Variants in TPO observed in about 807,000 individuals in gnomAD.
The protein encoded by TPO is thyroid microsomal antigen.
Under a neutral mutation model 96.9 loss-of-function variants are expected in TPO, and 78 were observed. That is an observed-to-expected ratio of 0.81 (90% CI 0.67 to 0.97). The LOEUF (loss-of-function observed/expected upper bound fraction) is 0.97. Ranked by LOEUF, TPO falls within the 50% of genes least tolerant of loss-of-function variation. The pLI is 0.00. For synonymous variants in TPO, 547 were observed against 538.0 expected, an observed-to-expected ratio of 1.02 and a Z score of -0.23; for missense variants, 1,252 against 1,274.8, an observed-to-expected ratio of 0.98 and a Z score of 0.27.
chr2:1,487,748 A>T (rs1168846036), intron 9 of TPO, 73 bp from the exon 10 acceptor site: 1 of 1,595,356 alleles, frequency 6.3e-7, no homozygotes, highest in East Asian at 2.2e-5. Flanking sequence ...CAAAAAAAAA[A>T]AAAATTGAGA....
intron 1 of TPO, among the ~76,000 whole-genome samples, chr2:1,378,137 C>T (rs1661751317): frequency 6.6e-6 from 1 of 152,226 alleles, no homozygotes; most frequent in Non-Finnish European, 1.5e-5. Flanking sequence ...TCTCCCCTGC[C>T]ATGTGGAACT....
chr2:1,411,799 A>G (rs1186947367), upstream of TPO, among the ~76,000 whole-genome samples: 1 of 151,560 alleles, frequency 6.6e-6, no homozygotes, highest in Non-Finnish European at 1.5e-5. Flanking sequence ...AGACTTTCCC[A>G]CCTTTGTCTT....
At chr2:1,540,894 G>C in intron 16 of TPO, 171 bp downstream of exon 16, 2 of 1,546,380 alleles carry the variant, frequency 1.3e-6, no homozygotes, top group South Asian at 2.4e-5. Flanking sequence ...ATGACAGTGA[G>C]CCAGAATGTG....
At chr2:1,490,716 G>A (rs1573406491) in intron 10 of TPO, among the ~76,000 whole-genome samples, 2 of 152,206 alleles carry the variant, frequency 1.3e-5, no homozygotes, top group African/African-American at 2.4e-5. Context: ...CACAAACCTG[G>A]CAGAGGCTTC....
Position 1,540,688 on chromosome 2 carries a change from T to C in TPO, c.2713T>C (p.Ser905Pro), listed in dbSNP as rs1227591917. ...CGGAAAGCACCAGGCCGTAGGGACC[T>C]CACCGCAGCGGGCCGCAGCTCAGGA... Reference protein sequence around the residue: ...RCGKHQAVGTSPQRAAAQDSE... With the variant: ...RCGKHQAVGTPPQRAAAQDSE... The change falls in exon 16 of 17, where the codon TCA becomes CCA. Residue 905 changes from serine (S) to proline (P), a missense_variant. By Grantham distance (74) the Ser-to-Pro change is moderately conservative. Transcript: ENST00000329066. 1 of 1,613,038 alleles carries C rather than the reference T, an allele frequency of 6.2e-7. No individual in the cohort carries two copies. Among genetic ancestry groups the C allele is most frequent in the Non-Finnish European group, 8.5e-7 (1 of 1,180,022 alleles).
Position 1,414,454 on chromosome 2 carries a change from A to C in TPO, c.46A>C (p.Thr16Pro). 6.2e-7 allele frequency: 1 copy of C among 1,614,106 alleles called. No individual in the cohort carries two copies. The highest frequency in any genetic ancestry group is 8.5e-7 in the Non-Finnish European group (1 of 1,180,024). Reference protein sequence around the residue: ...VLSVTLVMACTEAFFPFISRG... With the variant: ...VLSVTLVMACPEAFFPFISRG... The stretch of plus-strand genomic sequence containing the variant: ...GTCTGTCACGCTGGTTATGGCCTGC[A>C]CAGAAGCCTTCTTCCCCTTCATCTC... Residue 16 changes from threonine to proline, a missense_variant, in exon 2 of 17, where the codon ACA becomes CCA. Thr to Pro is a conservative substitution (Grantham distance 38, BLOSUM62 -1). Coordinates refer to ENST00000329066, the MANE Select transcript of TPO (RefSeq NM_001206744.2).
intron 5 of TPO, among the ~76,000 whole-genome samples, chr2:1,440,124 T>C (rs1666007596): frequency 6.6e-6 from 1 of 151,822 alleles, no homozygotes; most frequent in South Asian, 2.1e-4. Flanking sequence ...TCCAATGTGC[T>C]ACATTTCCAC....
chr2:1,468,878 C>T (rs188517648), intron 7 of TPO, among the ~76,000 whole-genome samples: 58 of 152,312 alleles, frequency 3.8e-4, no homozygotes, highest in African/African-American at 1.3e-3. Flanking sequence ...TAATCCCAGA[C>T]ATCTTGGAGG....
intron 7 of TPO, among the ~76,000 whole-genome samples, chr2:1,459,905 G>A (rs1169094221): frequency 6.6e-6 from 1 of 151,468 alleles, no homozygotes; most frequent in African/African-American, 2.4e-5. Flanking sequence ...CCCTGCATGT[G>A]TTCCCTGCTG....
chr2:1,416,797 C>G (rs975728076), intron 2 of TPO, among the ~76,000 whole-genome samples: 14 of 152,224 alleles, frequency 9.2e-5, no homozygotes, highest in African/African-American at 3.4e-4. Flanking sequence ...TGCCCAATGA[C>G]TGTGTGTGGG....
chr2:1,516,054 G>A (rs1406876614), intron 14 of TPO, among the ~76,000 whole-genome samples: 3 of 152,212 alleles, frequency 2.0e-5, no homozygotes, highest in Non-Finnish European at 2.9e-5. Context: ...GAGCCGCAGT[G>A]GCCCCAGGCT....
chr2:1,526,981 CCA>C (rs1676685580), intron 15 of TPO, among the ~76,000 whole-genome samples: 2 of 149,320 alleles, frequency 1.3e-5, no homozygotes. Flanking sequence ...ACTCAAATCC[CCA>C]CACTGTGTGC....
rs17091628 is a variant in TPO at position 1,414,237 on chromosome 2, T to C, written c.-1-171T>C. 0.018 allele frequency: 11,870 copies of C among 666,226 alleles called. 1,029 individuals are homozygous for C. The African/African-American group carries it at 0.19, about 10-fold the overall frequency. The allele number at this position is 666,226 out of a possible 1,614,324, so 41.3% of individuals were successfully genotyped here. On this transcript the variant is annotated intron_variant, in intron 1 of 16. Coordinates refer to ENST00000329066, the MANE Select transcript of TPO (RefSeq NM_001206744.2). ...CTGCAGTTTCTGTAACCTCCTGACA[T>C]GGACGGCGACTCTGGTCTCGCAGAC...
chr2:1,403,265 C>T lies in TPO; in HGVS notation n.180+28863C>T, dbSNP rs528330175. On this transcript the variant is annotated intron_variant and non_coding_transcript_variant, in intron 1 of 5. Coordinates refer to the TPO transcript ENST00000497517. ...CAGGGCAAGGCAATGTGAGAGCCAG[C>T]GGGGGCTCTGCTGGACACAGGCCAT... is the stretch of plus-strand genomic sequence containing the variant. Among the ~76,000 whole-genome samples the T allele has an allele frequency of 7.9e-5, 12 of 152,258 alleles. No individual in the cohort carries two copies. In the East Asian group the frequency reaches 1.8e-3, roughly 22 times the overall value.
intron 5 of TPO, among the ~76,000 whole-genome samples, chr2:1,439,890 T>A (rs1665972367): frequency 6.6e-6 from 1 of 152,118 alleles, no homozygotes; most frequent in Admixed American, 6.5e-5. Context: ...CCCAAAGGCA[T>A]GTGTGTGTCT....
chr2:1,507,126 A>G (rs1036624279), intron 14 of TPO, among the ~76,000 whole-genome samples: 16 of 152,198 alleles, frequency 1.1e-4, no homozygotes, highest in African/African-American at 3.4e-4. Flanking sequence ...TCCCAGCACC[A>G]TTTATTAAAT....
chr2:1,489,640 G>C (rs1671525446), intron 10 of TPO, among the ~76,000 whole-genome samples: 1 of 150,166 alleles, frequency 6.7e-6, no homozygotes, highest in South Asian at 2.1e-4. Flanking sequence ...AGGCACTTAG[G>C]GAACCCTCAC....
chr2:1,460,803 G>C (rs866893410), intron 7 of TPO, among the ~76,000 whole-genome samples: 43 of 152,170 alleles, frequency 2.8e-4, no homozygotes, highest in African/African-American at 1.0e-3. Flanking sequence ...ACTCTGTGTG[G>C]AGGTTGGGCT....
At chr2:1,527,289 C>CA in intron 15 of TPO, among the ~76,000 whole-genome samples, 1 of 143,186 alleles carries the variant, frequency 7.0e-6, no homozygotes, top group Non-Finnish European at 1.5e-5. Context: ...CCCCAAATCC[C>CA]CTCACTGTGT....
Sources: allele counts gnomAD v4.1 joint callset (sites outside exome capture counted in the v4.1 genomes callset), GRCh38; gene constraint gnomAD v4.1.1; transcripts MANE v1.5; gene names NCBI Gene and HGNC (gene_info 2026-07-23, HGNC 2026-07-21).